SPINK9: variants seen among roughly 807,000 people sequenced by gnomAD.
The protein encoded by SPINK9 is serine peptidase inhibitor Kazal type 9.
A neutral mutation model predicts 10.8 loss-of-function variants in SPINK9; 3 were observed. That is an observed-to-expected ratio of 0.28 (90% CI 0.13 to 0.72). The LOEUF is 0.72. Among genes scored for constraint, SPINK9 ranks in the 30% least tolerant of loss-of-function variants. The pLI, the probability that SPINK9 is intolerant of heterozygous loss-of-function variation, is 0.74. For synonymous variants in SPINK9, 30 were observed against 31.2 expected (o/e 0.96, Z 0.12); for missense variants, 101 against 103.2 (o/e 0.98, Z 0.09).
chr5:148,328,628 T>C (rs1341633196), intron 2 of SPINK9, among the ~76,000 whole-genome samples: 4 of 152,226 alleles, frequency 2.6e-5, no homozygotes, highest in Non-Finnish European at 5.9e-5. Context: ...AGTATGATAT[T>C]GGCTGTGGGT....
chr5:148,328,847 T>G (rs944859859), intron 2 of SPINK9, among the ~76,000 whole-genome samples: 4 of 152,210 alleles, frequency 2.6e-5, no homozygotes, highest in African/African-American at 7.2e-5. Context: ...ATCCCAGGGA[T>G]GAAGCCCACT....
upstream of SPINK9, among the ~76,000 whole-genome samples, chr5:148,330,752 C>A (rs1222203689): frequency 6.6e-6 from 1 of 152,214 alleles, no homozygotes; most frequent in South Asian, 2.1e-4. Context: ...TTTTATTTCT[C>A]CTTCACTTAT....
At chr5:148,329,281 G>T (rs896594915) in intron 2 of SPINK9, among the ~76,000 whole-genome samples, 2 of 152,164 alleles carry the variant, frequency 1.3e-5, no homozygotes, top group African/African-American at 4.8e-5. Context: ...AGATTTTCTA[G>T]TTTATTTGCT....
At chr5:148,332,626 A>G (rs1054968794), upstream of SPINK9, among the ~76,000 whole-genome samples, 3 of 152,194 alleles carry the variant, frequency 2.0e-5, no homozygotes, top group East Asian at 1.9e-4. Flanking sequence ...CAAAATATCA[A>G]TGTTAAACAG....
chr5:148,335,418 T>C (rs561506669), upstream of SPINK9: 415 of 514,874 alleles, frequency 8.1e-4, no homozygotes, highest in Non-Finnish European at 1.1e-3. Context: ...TGCAATTACC[T>C]GTCTTTCACA....
chr5:148,330,010 G>A (rs1194786292), intron 2 of SPINK9, among the ~76,000 whole-genome samples: 2 of 152,194 alleles, frequency 1.3e-5, no homozygotes, highest in Admixed American at 6.5e-5. Context: ...TTCTGTAGAT[G>A]TCTATTAGGT....
intron 2 of SPINK9, among the ~76,000 whole-genome samples, chr5:148,324,155 GT>G (rs745857772): frequency 2.0e-5 from 3 of 151,994 alleles, no homozygotes; most frequent in Non-Finnish European, 4.4e-5. Context: ...AATTTTTCAA[GT>G]TTTTTTCCCC....
chr5:148,339,450 C>T (rs1757260987), intron 3 of SPINK9, among the ~76,000 whole-genome samples: 5 of 151,970 alleles, frequency 3.3e-5, no homozygotes, highest in Admixed American at 3.3e-4. Context: ...TAAAACATTT[C>T]TGTTTTCAGG....
At position 148,336,451 on chromosome 5, in the gene SPINK9, A is replaced by T; in HGVS notation, c.85A>T (p.Met29Leu). 1.2e-6 allele frequency: 2 copies of T among 1,613,490 alleles called. No homozygotes were observed. The highest frequency in any genetic ancestry group is 1.7e-6 in the Non-Finnish European group (2 of 1,179,578). ...SIECAKQTKQ[M>L]VDCSHYKKLP... ...AGAATGTGCCAAACAGACGAAACAGATGGTCAGTACACCCATCCTACTTTT... is the reference window on the plus strand; with the variant it reads ...AGAATGTGCCAAACAGACGAAACAGTTGGTCAGTACACCCATCCTACTTTT... The change falls in exon 2 of 4, where the codon ATG becomes TTG. Residue 29 changes from methionine (M) to leucine (L), a missense_variant and splice_region_variant. Met to Leu is a conservative substitution (Grantham distance 15). Transcript: ENST00000377906.
At chr5:148,332,353 C>A (rs1415159287), upstream of SPINK9, among the ~76,000 whole-genome samples, 1 of 152,210 alleles carries the variant, frequency 6.6e-6, no homozygotes, top group Non-Finnish European at 1.5e-5. Flanking sequence ...TCACTTACCC[C>A]ATTCCCAACA....
intron 2 of SPINK9, among the ~76,000 whole-genome samples, chr5:148,337,710 C>G (rs1350441223): frequency 1.3e-5 from 2 of 151,982 alleles, no homozygotes; most frequent in African/African-American, 4.8e-5. Flanking sequence ...TTACTTCCAC[C>G]CTACAATGTG....
upstream of SPINK9, among the ~76,000 whole-genome samples, chr5:148,334,747 T>G (rs1324521187): frequency 1.3e-5 from 2 of 151,638 alleles, no homozygotes; most frequent in Non-Finnish European, 2.9e-5. Flanking sequence ...TCAAACTACA[T>G]GAGAGCAGTC....
chr5:148,339,149 C>T (rs1757255884), intron 3 of SPINK9, among the ~76,000 whole-genome samples: 1 of 151,982 alleles, frequency 6.6e-6, no homozygotes, highest in Admixed American at 6.6e-5. Flanking sequence ...GTAAAAATTA[C>T]ACTTAAAAAA....
At chr5:148,334,193 T>C (rs1439667042), upstream of SPINK9, among the ~76,000 whole-genome samples, 2 of 151,956 alleles carry the variant, frequency 1.3e-5, no homozygotes, top group Non-Finnish European at 2.9e-5. Flanking sequence ...AGCAATTATA[T>C]GTCAGAGGTG....
intron 1 of SPINK9, among the ~76,000 whole-genome samples, chr5:148,336,037 TC>T (rs1258229693): frequency 6.6e-6 from 1 of 152,148 alleles, no homozygotes; most frequent in African/African-American, 2.4e-5. Context: ...AAAATTGGCC[TC>T]CCTAGAATTT....
At chr5:148,332,776 A>C (rs1394141603), upstream of SPINK9, among the ~76,000 whole-genome samples, 2 of 152,198 alleles carry the variant, frequency 1.3e-5, no homozygotes, top group Admixed American at 6.5e-5. Flanking sequence ...AGGCTGCTAA[A>C]TAACTCACAT....
In SPINK9 at chr5:148,339,603, T is replaced by G. The variant is rs535974532; in HGVS notation, c.216-64T>G. Reference sequence around the variant, plus strand: ...CATTTTTGGGATTCATTAGTGAAGTTTGGATGCTAATGAAATGCCTATGGG... The same window carrying G: ...CATTTTTGGGATTCATTAGTGAAGTGTGGATGCTAATGAAATGCCTATGGG... On this transcript the variant is annotated intron_variant, in intron 3 of 3. Transcript: ENST00000377906. 2.8e-6 allele frequency: 4 copies of G among 1,432,788 alleles called. No individual in the cohort carries two copies. In the East Asian group the frequency reaches 6.9e-5, roughly 25 times the overall value. 88.8% of individuals were successfully genotyped at this position (1,432,788 alleles called of 1,614,324 possible). A position where few individuals can be genotyped will look rare whatever the true frequency, so the allele number is the denominator to read the frequency against.
chr5:148,326,220 G>T (rs1757058137), intron 2 of SPINK9, among the ~76,000 whole-genome samples: 1 of 152,154 alleles, frequency 6.6e-6, no homozygotes, highest in African/African-American at 2.4e-5. Flanking sequence ...TGTTAGATTG[G>T]CTAGGATCAA....
chr5:148,338,617 A>C lies in SPINK9; in HGVS notation c.215+12A>C. On this transcript the variant is annotated intron_variant, in intron 3 of 3. Coordinates refer to ENST00000377906, the MANE Select transcript of SPINK9 (RefSeq NM_001040433.2). ...TGTTCTAAAGTTAAGTAAGTATTAAAATGTTTTCTTTTTCATATTTAAGGT... is the reference window on the plus strand; with the variant it reads ...TGTTCTAAAGTTAAGTAAGTATTAACATGTTTTCTTTTTCATATTTAAGGT... 6.5e-7 allele frequency: 1 copy of C among 1,549,188 alleles called. No homozygotes were observed. Among genetic ancestry groups the C allele is most frequent in the Non-Finnish European group, 8.8e-7 (1 of 1,133,628 alleles).
Sources: gnomAD v4.1 joint callset for allele counts (sites outside exome capture counted in the v4.1 genomes callset) on GRCh38, gnomAD v4.1.1 for gene constraint, MANE v1.5 for transcripts, NCBI Gene and HGNC (gene_info 2026-07-23, HGNC 2026-07-21) for gene names.